The following DIS3L2 variants were observed in gnomAD, a reference collection of about 807,000 sequenced individuals.
DIS3L2 encodes DIS3 like 3'-5' exoribonuclease 2.
Under a neutral mutation model 97.5 loss-of-function variants are expected in DIS3L2, and 34 were observed. That is an observed-to-expected ratio of 0.35 (90% CI 0.27 to 0.46). The LOEUF (loss-of-function observed/expected upper bound fraction) is 0.46. Among genes scored for constraint, DIS3L2 ranks in the 20% least tolerant of loss-of-function variants. The probability of loss-of-function intolerance (pLI) is 1.00; values close to 1 mark genes in which losing one functional copy is unlikely to be tolerated. For missense variants in DIS3L2, 1,038 were observed against 1,146.0 expected, an observed-to-expected ratio of 0.91 and a Z score of 1.36; for synonymous variants, 435 against 445.2, an observed-to-expected ratio of 0.98 and a Z score of 0.29.
chr2:232,336,618 A>C lies in DIS3L2; in HGVS notation c.2646A>C (p.Ser882=), dbSNP rs3811578. ...AGTCTGACGGTGAGCCCGAGGACTC[A>C]AGCACCAGCTGAGCTCCACCAGCCG... ...EEESDGEPED[S]STS is the part of the protein sequence containing the mutation. The change falls in exon 21 of 21, where the codon TCA becomes TCC. Residue 882 remains serine (S), a synonymous_variant. Transcript: ENST00000325385. The C allele has an allele frequency of 1.2e-6, 2 of 1,603,328 alleles. No individual in the cohort carries two copies. Among genetic ancestry groups the C allele is most frequent in the Admixed American group, 3.4e-5 (2 of 59,426 alleles).
At chr2:232,016,204 A>G (rs1449420649) in intron 3 of DIS3L2, among the ~76,000 whole-genome samples, 1 of 152,216 alleles carries the variant, frequency 6.6e-6, no homozygotes, top group Non-Finnish European at 1.5e-5. Context: ...AGTGCTTTAT[A>G]CTTTACAAAC....
chr2:231,983,823 A>G (rs1027476523), intron 1 of DIS3L2, among the ~76,000 whole-genome samples: 5 of 151,098 alleles, frequency 3.3e-5, no homozygotes, highest in Admixed American at 6.6e-5. Flanking sequence ...CGGGAGGTGG[A>G]GGTTGCAGTG....
At chr2:232,141,451 C>G (rs1690036549) in intron 8 of DIS3L2, among the ~76,000 whole-genome samples, 1 of 151,996 alleles carries the variant, frequency 6.6e-6, no homozygotes, top group Non-Finnish European at 1.5e-5. Flanking sequence ...TTTTATCAAG[C>G]AAAGTCTGGT....
chr2:232,168,380 A>G (rs531936863), intron 9 of DIS3L2, among the ~76,000 whole-genome samples: 3 of 152,328 alleles, frequency 2.0e-5, no homozygotes, highest in Admixed American at 2.0e-4. Flanking sequence ...AGATGAATTC[A>G]TATTAGACAC....
intron 1 of DIS3L2, among the ~76,000 whole-genome samples, chr2:232,008,933 A>G (rs920133332): frequency 3.3e-5 from 5 of 152,194 alleles, no homozygotes; most frequent in Admixed American, 3.3e-4. Context: ...CAGATTGTAT[A>G]ACGTTAATTC....
chr2:232,191,978 A>C lies in DIS3L2; in HGVS notation c.1125-18348A>C, dbSNP rs568262156. On this transcript the variant is annotated intron_variant, in intron 9 of 20. Transcript: ENST00000325385. ...TGGGCACATAGTAGGCACTCACCGA[A>C]CATCCCTCTCCTGTCTTCTCTACCC... Among the ~76,000 whole-genome samples, 38 of 152,312 alleles carry C rather than the reference A, an allele frequency of 2.5e-4. 1 individual carries two copies. The South Asian group carries it at 7.7e-3, about 31-fold the overall frequency.
At chr2:232,198,611 GCTGCC>G (rs1691817760) in intron 9 of DIS3L2, 1 of 152,188 alleles carries the variant, frequency 6.6e-6, no homozygotes, top group South Asian at 2.1e-4. Context: ...GTGGGACTCG[GCTGCC>G]CTCATTGCAC....
chr2:232,256,686 A>G (rs1336078526), intron 12 of DIS3L2, among the ~76,000 whole-genome samples: 1 of 152,126 alleles, frequency 6.6e-6, no homozygotes, highest in African/African-American at 2.4e-5. Flanking sequence ...AGCCAACTTC[A>G]ACTGCTGAGG....
At chr2:231,988,786 T>A (rs573162413) in intron 1 of DIS3L2, among the ~76,000 whole-genome samples, 1 of 152,346 alleles carries the variant, frequency 6.6e-6, no homozygotes, top group South Asian at 2.1e-4. Context: ...AAGGCCATGA[T>A]ATAACTGACA....
At position 232,037,366 on chromosome 2, in the gene DIS3L2, T is replaced by C. The variant is rs1694979098; in HGVS notation, c.366+7286T>C. Reference sequence around the variant, plus strand: ...GGAAAACCGCCTACTTAAGCCTCCGTAATGGCAGACGCCCCTCCCCACCAA... The same window carrying C: ...GGAAAACCGCCTACTTAAGCCTCCGCAATGGCAGACGCCCCTCCCCACCAA... On this transcript the variant is annotated intron_variant, in intron 5 of 20. Coordinates refer to ENST00000325385, the MANE Select transcript of DIS3L2 (RefSeq NM_152383.5). This position sits in a 1 kb window ranked among gnomAD's most constrained non-coding sequence, Gnocchi z 4.6. Among the ~76,000 whole-genome samples, 1 of 152,170 alleles carries C rather than the reference T, an allele frequency of 6.6e-6. No homozygotes were observed.
intron 14 of DIS3L2, among the ~76,000 whole-genome samples, chr2:232,307,070 G>A (rs1695003798): frequency 6.6e-6 from 1 of 152,278 alleles, no homozygotes; most frequent in African/African-American, 2.4e-5. Flanking sequence ...AGCTGGGTCA[G>A]ATGTGCCTTC....
intron 10 of DIS3L2, among the ~76,000 whole-genome samples, chr2:232,216,951 T>C (rs1284520925): frequency 1.3e-5 from 2 of 151,442 alleles, no homozygotes; most frequent in Non-Finnish European, 2.9e-5. Context: ...CAAGTGATTC[T>C]CCTTCCTCAG....
intron 13 of DIS3L2, among the ~76,000 whole-genome samples, chr2:232,274,892 T>A (rs1191690358): frequency 1.3e-5 from 2 of 152,246 alleles, no homozygotes; most frequent in Non-Finnish European, 2.9e-5. Context: ...TTGAACTTGG[T>A]GGAAACCTAT....
At chr2:232,334,345 T>G in intron 17 of DIS3L2, 24 bp from the exon 18 acceptor site, 2 of 1,611,142 alleles carry the variant, frequency 1.2e-6, no homozygotes, top group South Asian at 2.2e-5. Flanking sequence ...GCTCCCACTC[T>G]CATGCCTCAC....
chr2:232,239,875 C>G (rs944208943), intron 11 of DIS3L2, among the ~76,000 whole-genome samples: 1 of 152,208 alleles, frequency 6.6e-6, no homozygotes, highest in African/African-American at 2.4e-5. Flanking sequence ...ACTTGTCCAC[C>G]CTGAAAACTA....
chr2:232,294,234 C>T (rs560994363), intron 13 of DIS3L2, among the ~76,000 whole-genome samples: 239 of 152,326 alleles, frequency 1.6e-3, no homozygotes, highest in Non-Finnish European at 2.6e-3. Flanking sequence ...TTTCTTACCT[C>T]AGAGCTGTCA....
At chr2:232,300,149 T>C (rs1378930905) in intron 14 of DIS3L2, 30 bp downstream of exon 14, 4 of 1,604,720 alleles carry the variant, frequency 2.5e-6, no homozygotes, top group South Asian at 1.1e-5. Context: ...AGAGTGTCAC[T>C]TCACATGTGT....
intron 5 of DIS3L2, among the ~76,000 whole-genome samples, chr2:232,078,900 T>G (rs1696295855): frequency 6.6e-6 from 1 of 152,104 alleles, no homozygotes; most frequent in Non-Finnish European, 1.5e-5. Flanking sequence ...ACTGGGAAGA[T>G]TATGTGGTGG....
At chr2:232,192,634 A>C (rs1574937129) in intron 9 of DIS3L2, among the ~76,000 whole-genome samples, 1 of 152,086 alleles carries the variant, frequency 6.6e-6, no homozygotes, top group East Asian at 1.9e-4. Flanking sequence ...GCCTCCCCAC[A>C]CCTGGAGCTC....
Sources: gnomAD v4.1 joint callset for allele counts (sites outside exome capture counted in the v4.1 genomes callset) on GRCh38, gnomAD v4.1.1 for gene constraint, Gnocchi (gnomAD v3.1) non-coding constraint, MANE v1.5 for transcripts, NCBI Gene and HGNC (gene_info 2026-07-23, HGNC 2026-07-21) for gene names.